The following PCNX3 variants were observed in gnomAD, a reference collection of about 807,000 sequenced individuals.
The protein encoded by PCNX3 is pecanex-like protein 3.
A neutral mutation model predicts 207.2 loss-of-function variants in PCNX3; 58 were observed. That is an observed-to-expected ratio of 0.28 (90% CI 0.23 to 0.35). The LOEUF (loss-of-function observed/expected upper bound fraction) is 0.35. PCNX3 is among the 10% of genes least tolerant of loss of function. The pLI is 1.00. For missense variants in PCNX3, 2,410 were observed against 2,774.4 expected, an observed-to-expected ratio of 0.87 and a Z score of 2.95; for synonymous variants, 1,337 against 1,183.5, an observed-to-expected ratio of 1.13 and a Z score of -2.66.
intron 27 of PCNX3, among the ~76,000 whole-genome samples, chr11:65,632,774 T>G (rs1263976165): frequency 2.6e-5 from 4 of 151,010 alleles, no homozygotes; most frequent in Non-Finnish European, 5.9e-5. Context: ...AAACAAGGTC[T>G]CATTCTGTCA....
At chr11:65,619,499 C>T (rs769465740) in intron 6 of PCNX3, 38 bp from the exon 7 acceptor site, 14 of 1,603,166 alleles carry the variant, frequency 8.7e-6, no homozygotes, top group Non-Finnish European at 1.1e-5. Context: ...CTTGTCTGAG[C>T]ATCTGTCACT....
Position 65,637,186 on chromosome 11 carries a change from C to T in PCNX3, c.*208C>T. 1 of 603,176 alleles carries T rather than the reference C, an allele frequency of 1.7e-6. No homozygotes were observed. 37.4% of individuals were successfully genotyped at this position (603,176 alleles called of 1,614,324 possible). ...TCATCCCCAGTCCAGGGCCTGGGCT[C>T]CCCAGATGGAGGCAGTCAGCCTCCC... On this transcript the variant is annotated 3_prime_UTR_variant, in exon 35 of 35. Coordinates refer to ENST00000355703, the MANE Select transcript of PCNX3 (RefSeq NM_032223.4).
chr11:65,634,469 C>T, intron 28 of PCNX3, 69 bp from the exon 29 acceptor site: 1 of 1,519,444 alleles, frequency 6.6e-7, no homozygotes, highest in South Asian at 1.2e-5. Flanking sequence ...GCCTGAGCCC[C>T]AGCCCCCACT....
rs1855894675 is a variant in PCNX3 at position 65,637,406 on chromosome 11, G to A, written c.*428G>A. On this transcript the variant is annotated 3_prime_UTR_variant, in exon 35 of 35. Transcript: ENST00000355703. ...TTTTTTTTTTTTTTTGTGCTTCGGA[G>A]ACATCAGAATTAATAACACTATTTT... The A allele has an allele frequency of 6.0e-6, 1 of 165,788 alleles. No individual in the cohort carries two copies. The allele number at this position is 165,788 out of a possible 1,614,324, so 10.3% of individuals were successfully genotyped here. A position where few individuals can be genotyped will look rare whatever the true frequency, so the allele number is the denominator to read the frequency against.
At position 65,619,760 on chromosome 11, in the gene PCNX3, G is replaced by T. The variant is rs1285658228; in HGVS notation, c.1836G>T (p.Leu612=). 1 of 1,568,764 alleles carries T rather than the reference G, an allele frequency of 6.4e-7. No homozygotes were observed. The highest frequency in any genetic ancestry group is 1.7e-4 in the Middle Eastern group (1 of 6,016). ...ASVMGSPPSS[L]QEAQRGRAAS... is the part of the protein sequence containing the mutation. ...TGGGGCTGACCCTCTCCAGCAGCCT[G>T]CAGGAAGCTCAGCGGGGCCGGGCTG... is the stretch of plus-strand genomic sequence containing the variant. The change falls in exon 8 of 35, where the codon CTG becomes CTT. Residue 612 remains leucine, a synonymous_variant. Transcript: ENST00000355703.
Position 65,616,029 on chromosome 11 carries a change from G to T in PCNX3, c.-283G>T. On this transcript the variant is annotated 5_prime_UTR_variant, in exon 1 of 35. Transcript: ENST00000355703. ...GGCCCGTGCCCCGCGCCTGCCTGCC[G>T]GCTCGGCCCCTCGGAGCAATTCTGG... 4.0e-6 allele frequency: 1 copy of T among 251,146 alleles called. No individual in the cohort carries two copies. The highest frequency in any genetic ancestry group is 7.6e-6 in the Non-Finnish European group (1 of 132,450). The allele number at this position is 251,146 out of a possible 1,614,324, so 15.6% of individuals were successfully genotyped here.
Position 65,616,231 on chromosome 11 carries a change from C to T in PCNX3, c.-81C>T. 3 of 1,216,600 alleles carry T rather than the reference C, an allele frequency of 2.5e-6. No homozygotes were observed. The highest frequency in any genetic ancestry group is 3.2e-6 in the Non-Finnish European group (3 of 926,510). 75.4% of individuals were successfully genotyped at this position (1,216,600 alleles called of 1,614,324 possible). ...GCGTGAGGCCGGGCCCCGGGGCCCT[C>T]AGGCGCCAGACGGGGCATGGGCCGG... On this transcript the variant is annotated 5_prime_UTR_variant, in exon 1 of 35. Transcript: ENST00000355703.
chr11:65,632,897 A>AGT (rs1855673001), intron 27 of PCNX3, among the ~76,000 whole-genome samples: 1 of 151,572 alleles, frequency 6.6e-6, no homozygotes, highest in Non-Finnish European at 1.5e-5. Context: ...GGCATGCACC[A>AGT]CCATGCCTGG....
Position 65,625,299 on chromosome 11 carries a change from G to A in PCNX3, c.3029+19G>A, listed in dbSNP as rs373060004. The A allele has an allele frequency of 7.3e-5, 116 of 1,598,508 alleles. No individual in the cohort carries two copies. The highest frequency in any genetic ancestry group is 1.2e-4 in the Admixed American group (7 of 59,660). On this transcript the variant is annotated intron_variant, in intron 17 of 34. Coordinates refer to ENST00000355703, the MANE Select transcript of PCNX3 (RefSeq NM_032223.4). This position sits in a 1 kb window ranked among gnomAD's most constrained non-coding sequence, Gnocchi z 5.6. Reference sequence around the variant, plus strand: ...TGCTCTGGTGGGTGTGCTCCGGGTCGTGTGTTTGTGTCTGCCCAGTAGGGG... The same window carrying A: ...TGCTCTGGTGGGTGTGCTCCGGGTCATGTGTTTGTGTCTGCCCAGTAGGGG...
intron 20 of PCNX3, 179 bp downstream of exon 20, chr11:65,626,233 C>T: frequency 1.1e-6 from 1 of 883,130 alleles, no homozygotes; most frequent in Non-Finnish European, 1.8e-6. Flanking sequence ...TCTCCACCGA[C>T]TCTTCTCCTC....
At chr11:65,619,394 G>A in intron 6 of PCNX3, 143 bp from the exon 7 acceptor site, 3 of 1,430,622 alleles carry the variant, frequency 2.1e-6, no homozygotes, top group Admixed American at 2.5e-5. Flanking sequence ...TGAGCATGGG[G>A]CTGTGTGACC....
chr11:65,623,180 G>C (rs1855202010), intron 11 of PCNX3, among the ~76,000 whole-genome samples: 1 of 152,246 alleles, frequency 6.6e-6, no homozygotes, highest in African/African-American at 2.4e-5. Context: ...CATGCACGAT[G>C]TAGCCACGTG....
At chr11:65,623,705 A>G in intron 12 of PCNX3, 61 bp downstream of exon 12, 1 of 1,587,800 alleles carries the variant, frequency 6.3e-7, no homozygotes, top group Non-Finnish European at 8.6e-7. Flanking sequence ...TGCCCTTCCC[A>G]CAACTCCAGT....
At position 65,624,939 on chromosome 11, in the gene PCNX3, C is replaced by A. The variant is rs1405129555; in HGVS notation, c.2842C>A (p.Leu948Ile). ...CTTCCACACAGCTGCCACCAGCCCG[C>A]TCACGGCAGTCTTCAGCCTCTCCCG... ...GFGGTAATSP[L>I]TAVFSLSRSL... The change falls in exon 16 of 35, where the codon CTC becomes ATC. Residue 948 changes from leucine (L) to isoleucine (I), a missense_variant. Physicochemically the swap from Leu to Ile is conservative, Grantham distance 5 (BLOSUM62 2). Transcript: ENST00000355703. 1 of 1,610,676 alleles carries A rather than the reference C, an allele frequency of 6.2e-7. No homozygotes were observed. The highest frequency in any genetic ancestry group is 2.2e-5 in the East Asian group (1 of 44,836).
rs556146283 is a variant in PCNX3 at position 65,628,966 on chromosome 11, C to G, written c.3941+18C>G. 1 of 1,609,238 alleles carries G rather than the reference C, an allele frequency of 6.2e-7. No homozygotes were observed. Among genetic ancestry groups the G allele is most frequent in the Non-Finnish European group, 8.5e-7 (1 of 1,179,480 alleles). On this transcript the variant is annotated intron_variant, in intron 24 of 34. Transcript: ENST00000355703. ...GACTACAAGTGAGTCTCACAGGAGG[C>G]GGGAGCATGCCCAGCAGGGCAGGAA...
In PCNX3 at chr11:65,617,633, G is replaced by C. The variant is rs779195734; in HGVS notation, c.504G>C (p.Glu168Asp). 1 of 1,606,324 alleles carries C rather than the reference G, an allele frequency of 6.2e-7. No homozygotes were observed. Among genetic ancestry groups the C allele is most frequent in the Admixed American group, 1.7e-5 (1 of 57,968 alleles). Residue 168 changes from glutamate (E) to aspartate (D), a missense_variant, in exon 5 of 35, where the codon GAG (glutamate) becomes GAC (aspartate). By Grantham distance (45) the Glu-to-Asp change is conservative. Transcript: ENST00000355703. ...CAGACATCAAGGAGCTGGTGCGGGA[G>C]CAGGGCAGCAACAATGTGATCGTGA... ...PLRDIKELVR[E>D]QGSNNVIVTS...
intron 6 of PCNX3, 181 bp from the exon 7 acceptor site, chr11:65,619,356 T>C (rs1235761310): frequency 4.7e-6 from 4 of 847,172 alleles, no homozygotes; most frequent in African/African-American, 1.8e-5. Context: ...GGCCGATCAG[T>C]GTCATCCTTG....
At position 65,623,477 on chromosome 11, in the gene PCNX3, G is replaced by A; in HGVS notation, c.2358-14G>A. The A allele has an allele frequency of 6.3e-7, 1 of 1,589,926 alleles. No individual in the cohort carries two copies. ...AGGCAAGACGGGCACGCCCTGACTA[G>A]GCTGTCCCTGCAGGACGCGGGGAGT... On this transcript the variant is annotated splice_polypyrimidine_tract_variant and intron_variant, in intron 11 of 34. Coordinates refer to ENST00000355703, the MANE Select transcript of PCNX3 (RefSeq NM_032223.4).
At chr11:65,624,685 C>T (rs1855288004) in intron 15 of PCNX3, 104 bp downstream of exon 15, 1 of 1,118,700 alleles carries the variant, frequency 8.9e-7, no homozygotes, top group Non-Finnish European at 1.3e-6. Flanking sequence ...TCTCCTGCGT[C>T]TGTACTGCAG....
Sources: gnomAD v4.1 joint callset for allele counts (sites outside exome capture counted in the v4.1 genomes callset) on GRCh38, gnomAD v4.1.1 for gene constraint, Gnocchi (gnomAD v3.1) non-coding constraint, MANE v1.5 for transcripts, NCBI Gene and HGNC (gene_info 2026-07-23, HGNC 2026-07-21) for gene names.